CD96: variants seen among roughly 807,000 people sequenced by gnomAD.
The protein encoded by CD96 is CD96 molecule.
Under a neutral mutation model 71.3 loss-of-function variants are expected in CD96, and 70 were observed. The ratio of observed to expected loss-of-function variants is 0.98; its 90% CI spans 0.81 to 1.20. CD96 has a LOEUF of 1.20. Ranked by LOEUF, CD96 falls within the 50% of genes most tolerant of loss-of-function variation. The pLI, the probability that CD96 is intolerant of heterozygous loss-of-function variation, is 0.00. For missense variants in CD96, 742 were observed against 677.5 expected (o/e 1.10, Z -1.06); for synonymous variants, 248 against 233.0 (o/e 1.06, Z -0.59).
chr3:111,556,023 T>G, intron 2 of CD96, among the ~76,000 whole-genome samples: 1 of 152,300 alleles, frequency 6.6e-6, no homozygotes, highest in Non-Finnish European at 1.5e-5. Context: ...GATTCTTTCT[T>G]CAGCCATCTC....
intron 10 of CD96, among the ~76,000 whole-genome samples, chr3:111,630,723 C>T (rs1939018917): frequency 1.3e-5 from 2 of 152,146 alleles, no homozygotes; most frequent in South Asian, 4.1e-4. Flanking sequence ...AACTTCAGAC[C>T]AATATCCTTG....
At chr3:111,636,016 T>C (rs1206341437) in intron 10 of CD96, among the ~76,000 whole-genome samples, 1 of 152,238 alleles carries the variant, frequency 6.6e-6, no homozygotes, top group Non-Finnish European at 1.5e-5. Flanking sequence ...AAAAAATTCT[T>C]AGTCCATCAT....
intron 6 of CD96, among the ~76,000 whole-genome samples, chr3:111,599,612 T>G (rs1937405040): frequency 6.6e-6 from 1 of 152,030 alleles, no homozygotes; most frequent in African/African-American, 2.4e-5. Flanking sequence ...TACCAGCTAC[T>G]TGGGAGGCTG....
intron 5 of CD96, among the ~76,000 whole-genome samples, chr3:111,597,506 C>T (rs775589037): frequency 3.9e-4 from 60 of 152,190 alleles, no homozygotes; most frequent in Non-Finnish European, 7.3e-4. Context: ...TCCACTTCCT[C>T]GAACCACTGG....
At chr3:111,637,148 T>C (rs1439730831) in intron 10 of CD96, 48 bp from the exon 11 acceptor site, 2 of 928,978 alleles carry the variant, frequency 2.2e-6, no homozygotes, top group East Asian at 2.4e-5. Flanking sequence ...CAAGAAGTGG[T>C]AATATAGTCT....
chr3:111,572,752 T>A (rs1017636862), intron 3 of CD96, among the ~76,000 whole-genome samples: 3 of 152,236 alleles, frequency 2.0e-5, no homozygotes, highest in Non-Finnish European at 4.4e-5. Context: ...GATGTCTTCC[T>A]GTTTGTGGAA....
intron 10 of CD96, among the ~76,000 whole-genome samples, chr3:111,631,803 G>A (rs1939076343): frequency 6.6e-6 from 1 of 152,110 alleles, no homozygotes; most frequent in Admixed American, 6.5e-5. Context: ...GAACAGAATA[G>A]AGAACCCAGA....
intron 6 of CD96, 59 bp downstream of exon 6, chr3:111,598,269 T>A: frequency 1.2e-6 from 1 of 808,592 alleles, no homozygotes; most frequent in Admixed American, 1.7e-5. Flanking sequence ...ACAAAGAACA[T>A]TAGAAATTGT....
chr3:111,665,617 A>C (rs1419939913), exon 15 of CD96: 1 of 152,198 alleles, frequency 6.6e-6, no homozygotes, highest in Non-Finnish European at 1.5e-5. Context: ...CTCCAGAGCA[A>C]ACTTACCCTC....
chr3:111,556,045 T>G (rs1212980950), intron 2 of CD96, among the ~76,000 whole-genome samples: 1 of 152,300 alleles, frequency 6.6e-6, no homozygotes, highest in African/African-American at 2.4e-5. Context: ...AATTTGCTAT[T>G]GAGAACATCT....
chr3:111,664,841 T>C (rs1280149205), intron 14 of CD96, among the ~76,000 whole-genome samples: 1 of 152,190 alleles, frequency 6.6e-6, no homozygotes, highest in African/African-American at 2.4e-5. Flanking sequence ...GGAAATGGTA[T>C]GAAAGACATT....
intron 4 of CD96, 53 bp downstream of exon 4, chr3:111,579,287 C>A (rs1936361713): frequency 2.0e-6 from 2 of 986,500 alleles, no homozygotes; most frequent in Non-Finnish European, 3.3e-6. Flanking sequence ...TCCTGCCCTG[C>A]TCTTCCTTGA....
At chr3:111,628,313 G>A (rs367863900) in intron 10 of CD96, among the ~76,000 whole-genome samples, 14 of 152,166 alleles carry the variant, frequency 9.2e-5, no homozygotes, top group African/African-American at 3.1e-4. Context: ...AGCCTAAATA[G>A]CCAGTACAGA....
At chr3:111,603,623 G>C (rs181422539) in intron 7 of CD96, among the ~76,000 whole-genome samples, 84 of 152,272 alleles carry the variant, frequency 5.5e-4, no homozygotes, top group Middle Eastern at 3.4e-3. Context: ...CCCTGGGGTG[G>C]ATAATATTTT....
At chr3:111,632,870 T>C (rs1441089826) in intron 10 of CD96, among the ~76,000 whole-genome samples, 1 of 152,180 alleles carries the variant, frequency 6.6e-6, no homozygotes, top group South Asian at 2.1e-4. Context: ...AATGCAGGAA[T>C]AAAAAGCCAA....
rs537658288 is a variant in CD96, at chr3:111,545,087, G to A, written c.103G>A (p.Ala35Thr). ...KTVNTEENVY[A>T]TLGSDVNLTC... ...AGTCAACACAGAAGAAAATGTTTAT[G>A]CTACACTTGGCTCTGATGTCAACCT... The change falls in exon 2 of 14, where the codon GCT becomes ACT. Residue 35 changes from alanine to threonine, a missense_variant. By Grantham distance (58) the Ala-to-Thr change is moderately conservative. Transcript: ENST00000352690. The A allele has an allele frequency of 6.2e-7, 1 of 1,614,180 alleles. No individual in the cohort carries two copies. The highest frequency in any genetic ancestry group is 1.1e-5 in the South Asian group (1 of 91,090).
At chr3:111,579,300 A>T (rs1190704596) in intron 4 of CD96, 66 bp downstream of exon 4, 3 of 884,776 alleles carry the variant, frequency 3.4e-6, no homozygotes, top group African/African-American at 1.6e-5. Flanking sequence ...TTCCTTGAAG[A>T]GGAAGCACCC....
chr3:111,604,322 T>C (rs558880773), intron 7 of CD96, among the ~76,000 whole-genome samples: 4 of 152,156 alleles, frequency 2.6e-5, no homozygotes, highest in Admixed American at 1.3e-4. Flanking sequence ...TATGACATTA[T>C]GGTAAATGCA....
chr3:111,544,858 G>C (rs1163971633), intron 1 of CD96, among the ~76,000 whole-genome samples, 188 bp from the exon 2 acceptor site: 1 of 152,140 alleles, frequency 6.6e-6, no homozygotes, highest in Non-Finnish European at 1.5e-5. Flanking sequence ...CTACGTAAAT[G>C]CCTCCTCATT....
Sources: gnomAD v4.1 joint callset for allele counts (sites outside exome capture counted in the v4.1 genomes callset) on GRCh38, gnomAD v4.1.1 for gene constraint, MANE v1.5 for transcripts, NCBI Gene and HGNC (gene_info 2026-07-23, HGNC 2026-07-21) for gene names.